Variants in CD44 observed in about 807,000 individuals in gnomAD.
CD44 encodes the protein CD44 antigen.
A neutral mutation model predicts 88.8 loss-of-function variants in CD44; 49 were observed. The observed-to-expected ratio is 0.55, with a 90% CI of 0.44 to 0.70. The LOEUF is 0.70. Ranked by LOEUF, CD44 falls within the 30% of genes least tolerant of loss-of-function variation. CD44 has a pLI of 0.00. For synonymous variants in CD44, 325 were observed against 312.3 expected, an observed-to-expected ratio of 1.04 and a Z score of -0.43; for missense variants, 883 against 913.8, an observed-to-expected ratio of 0.97 and a Z score of 0.43.
chr11:35,153,308 G>A (rs532847039), intron 1 of CD44, among the ~76,000 whole-genome samples: 1 of 152,180 alleles, frequency 6.6e-6, no homozygotes, highest in African/African-American at 2.4e-5. Flanking sequence ...TTTTTTAGTG[G>A]CACAGTGGGA....
chr11:35,202,708 G>T (rs1947430924), intron 9 of CD44, among the ~76,000 whole-genome samples: 1 of 152,148 alleles, frequency 6.6e-6, no homozygotes, highest in South Asian at 2.1e-4. Context: ...AAAGTTTCAG[G>T]TATCAGTTAG....
intron 3 of CD44, among the ~76,000 whole-genome samples, chr11:35,183,656 A>G (rs1565085556): frequency 6.6e-6 from 1 of 152,180 alleles, no homozygotes; most frequent in Non-Finnish European, 1.5e-5. Context: ...GCCTGTGGCT[A>G]ACAAATGAAA....
At chr11:35,221,878 AC>A in intron 17 of CD44, 146 bp downstream of exon 17, 1 of 715,296 alleles carries the variant, frequency 1.4e-6, no homozygotes, top group South Asian at 1.6e-5. Flanking sequence ...CTCAGACCCA[AC>A]CCCAGACCTC....
At chr11:35,221,476 T>C (rs758325150) in intron 16 of CD44, among the ~76,000 whole-genome samples, 178 bp from the exon 17 acceptor site, 2 of 152,220 alleles carry the variant, frequency 1.3e-5, no homozygotes, top group African/African-American at 2.4e-5. Flanking sequence ...GTTGGACAAA[T>C]ACCTTCAGCA....
chr11:35,150,114 A>C (rs914406249), intron 1 of CD44, among the ~76,000 whole-genome samples: 1 of 152,220 alleles, frequency 6.6e-6, no homozygotes, highest in Non-Finnish European at 1.5e-5. Flanking sequence ...CCTCTGAAGA[A>C]GAGAAAAATT....
At chr11:35,189,271 T>C (rs1286588213) in intron 4 of CD44, among the ~76,000 whole-genome samples, 2 of 152,202 alleles carry the variant, frequency 1.3e-5, no homozygotes, top group Admixed American at 1.3e-4. Flanking sequence ...CAGAAGTGGG[T>C]GTTTGCACAA....
intron 1 of CD44, among the ~76,000 whole-genome samples, chr11:35,156,223 C>T (rs950843889): frequency 1.3e-5 from 2 of 152,136 alleles, no homozygotes; most frequent in African/African-American, 2.4e-5. Flanking sequence ...TTTTAATGAA[C>T]CCAAAAATGA....
chr11:35,164,681 C>T (rs1423474655), intron 1 of CD44, among the ~76,000 whole-genome samples: 2 of 152,200 alleles, frequency 1.3e-5, no homozygotes, highest in African/African-American at 4.8e-5. Context: ...ATTGGAAACT[C>T]AAACTTTGCT....
intron 12 of CD44, 48 bp from the exon 13 acceptor site, chr11:35,209,917 T>C: frequency 7.9e-7 from 1 of 1,263,494 alleles, no homozygotes; most frequent in East Asian, 2.5e-5. Context: ...TAACAGGATT[T>C]GTACCGTAGC....
chr11:35,232,001 T>C lies in CD44; in HGVS notation c.*2668T>C, dbSNP rs1226073238. On this transcript the variant is annotated 3_prime_UTR_variant, in exon 18 of 18. Transcript: ENST00000428726. ...GCAGAACCTTTCCAAAAGTTTTATATTGAGATTCATAACAACACCAAGAAT... is the reference window on the plus strand; with the variant it reads ...GCAGAACCTTTCCAAAAGTTTTATACTGAGATTCATAACAACACCAAGAAT... 6.6e-6 allele frequency: 1 copy of C among 152,190 alleles called. No individual in the cohort carries two copies. The highest frequency in any genetic ancestry group is 1.5e-5 in the Non-Finnish European group (1 of 68,020). 9.4% of individuals were successfully genotyped at this position (152,190 alleles called of 1,614,324 possible). A position where few individuals can be genotyped will look rare whatever the true frequency, so the allele number is the denominator to read the frequency against.
intron 3 of CD44, among the ~76,000 whole-genome samples, chr11:35,184,919 G>A (rs1435097958): frequency 2.0e-5 from 3 of 152,096 alleles, no homozygotes; most frequent in Non-Finnish European, 2.9e-5. Context: ...AATTATATCG[G>A]TACTTTTTTC....
chr11:35,179,444 C>A (rs754819607), intron 2 of CD44, among the ~76,000 whole-genome samples: 6 of 152,134 alleles, frequency 3.9e-5, no homozygotes, highest in Non-Finnish European at 5.9e-5. Context: ...CAGGATGCTG[C>A]TAGAAGAGGC....
At chr11:35,228,912 G>A (rs1445279318) in intron 17 of CD44, among the ~76,000 whole-genome samples, 2 of 152,160 alleles carry the variant, frequency 1.3e-5, no homozygotes. Flanking sequence ...TGCTGGTCCA[G>A]GGACCTCACT....
intron 15 of CD44, among the ~76,000 whole-genome samples, chr11:35,217,288 A>C (rs1434021346): frequency 6.7e-6 from 1 of 149,826 alleles, no homozygotes; most frequent in Non-Finnish European, 1.5e-5. Flanking sequence ...TTTTTAAATC[A>C]AAATAAAGTG....
intron 17 of CD44, among the ~76,000 whole-genome samples, chr11:35,223,958 C>T (rs972027965): frequency 6.6e-6 from 1 of 152,124 alleles, no homozygotes; most frequent in Non-Finnish European, 1.5e-5. Flanking sequence ...CCTGTGACTA[C>T]CAGCCCTGGC....
chr11:35,200,894 T>A, intron 7 of CD44, among the ~76,000 whole-genome samples, 188 bp from the exon 8 acceptor site: 1 of 152,218 alleles, frequency 6.6e-6, no homozygotes, highest in East Asian at 1.9e-4. Flanking sequence ...GACACTGAGA[T>A]GCTTACCAAT....
chr11:35,187,203 G>A (rs1421006298), intron 4 of CD44, among the ~76,000 whole-genome samples: 1 of 152,108 alleles, frequency 6.6e-6, no homozygotes, highest in African/African-American at 2.4e-5. Flanking sequence ...GAACCCAGGA[G>A]GCAGAGGTTG....
chr11:35,222,031 C>G (rs1949343062), intron 17 of CD44, among the ~76,000 whole-genome samples: 2 of 152,166 alleles, frequency 1.3e-5, no homozygotes, highest in East Asian at 3.8e-4. Context: ...GTGGTTGAAT[C>G]CTTTGTGATT....
chr11:35,161,967 C>T (rs1231579702), intron 1 of CD44, among the ~76,000 whole-genome samples: 4 of 152,154 alleles, frequency 2.6e-5, no homozygotes. Flanking sequence ...AGAGCCCTGT[C>T]ATTCTCTATT....
Sources: allele counts gnomAD v4.1 joint callset (sites outside exome capture counted in the v4.1 genomes callset), GRCh38; gene constraint gnomAD v4.1.1; transcripts MANE v1.5; gene names NCBI Gene and HGNC (gene_info 2026-07-23, HGNC 2026-07-21).